The following GLIPR1L1 variants were observed in gnomAD, a reference collection of about 807,000 sequenced individuals.
The protein encoded by GLIPR1L1 is GLIPR1 like 1.
GLIPR1L1 carries 26 observed loss-of-function variants against 29.9 expected under a neutral mutation model. That is an observed-to-expected ratio of 0.87 (90% CI 0.64 to 1.21). GLIPR1L1 has a LOEUF of 1.21. Ranked by LOEUF, GLIPR1L1 falls within the 50% of genes most tolerant of loss-of-function variation. GLIPR1L1 has a pLI of 0.00. For missense variants in GLIPR1L1, 305 were observed against 290.3 expected (o/e 1.05, Z -0.37); for synonymous variants, 77 against 97.5 (o/e 0.79, Z 1.24).
rs970259313 is a variant in GLIPR1L1, at chr12:75,370,178, G to A, written c.*2G>A. 5.7e-6 allele frequency: 8 copies of A among 1,403,842 alleles called. No individual in the cohort carries two copies. The Admixed American group carries it at 6.7e-5, about 12-fold the overall frequency. The allele number at this position is 1,403,842 out of a possible 1,614,324, so 87.0% of individuals were successfully genotyped here. A position where few individuals can be genotyped will look rare whatever the true frequency, so the allele number is the denominator to read the frequency against. ...TTTCTTCTTCTGAGAATCTTTTAAT[G>A]TCATTTATATACAAAAGAAATTCTC... On this transcript the variant is annotated 3_prime_UTR_variant, in exon 6 of 6. Transcript: ENST00000378695.
chr12:75,349,680 T>C (rs372428077), intron 3 of GLIPR1L1, among the ~76,000 whole-genome samples: 15 of 152,124 alleles, frequency 9.9e-5, no homozygotes, highest in Admixed American at 7.2e-4. Flanking sequence ...TTAAAATTAA[T>C]GAAATATTAG....
In GLIPR1L1 at chr12:75,343,957, T is replaced by A. The variant is rs1049804966; in HGVS notation, c.420+19T>A. 2.0e-5 allele frequency: 31 copies of A among 1,573,280 alleles called. No homozygotes were observed. The highest frequency in any genetic ancestry group is 2.6e-5 in the Non-Finnish European group (30 of 1,151,200). Reference sequence around the variant, plus strand: ...TACACAGGTAAATATTTGACATCTTTATTGATTAGTTCTTATTTGTGCATA... The same window carrying A: ...TACACAGGTAAATATTTGACATCTTAATTGATTAGTTCTTATTTGTGCATA... On this transcript the variant is annotated intron_variant, in intron 2 of 5. Coordinates refer to ENST00000378695, the MANE Select transcript of GLIPR1L1 (RefSeq NM_001304964.2).
rs564301305 is a variant in GLIPR1L1, at chr12:75,370,023, T to C, written c.637+37T>C. The stretch of plus-strand genomic sequence containing the variant: ...AATATTTTAGTATTAATTAAATTAT[T>C]TCCTCCCGTTGAAAATCAATTGAAC... On this transcript the variant is annotated intron_variant, in intron 5 of 5. Coordinates refer to ENST00000378695, the MANE Select transcript of GLIPR1L1 (RefSeq NM_001304964.2). The C allele has an allele frequency of 9.8e-6, 12 of 1,228,800 alleles. 1 individual carries two copies. The East Asian group carries it at 1.9e-4, about 19-fold the overall frequency. 76.1% of individuals were successfully genotyped at this position (1,228,800 alleles called of 1,614,324 possible). A position where few individuals can be genotyped will look rare whatever the true frequency, so the allele number is the denominator to read the frequency against.
At chr12:75,351,730 A>G (rs1306739468) in intron 3 of GLIPR1L1, among the ~76,000 whole-genome samples, 1 of 152,054 alleles carries the variant, frequency 6.6e-6, no homozygotes, top group Non-Finnish European at 1.5e-5. Context: ...TATTTTTAGT[A>G]CAGACGGGGT....
At chr12:75,351,890 T>C (rs755462375) in intron 3 of GLIPR1L1, among the ~76,000 whole-genome samples, 52 of 152,196 alleles carry the variant, frequency 3.4e-4, no homozygotes, top group Non-Finnish European at 5.3e-4. Context: ...GTCTAGAATT[T>C]CATATCCAGC....
At chr12:75,368,247 T>A (rs938232768) in intron 4 of GLIPR1L1, among the ~76,000 whole-genome samples, 1 of 151,256 alleles carries the variant, frequency 6.6e-6, no homozygotes, top group South Asian at 2.1e-4. Flanking sequence ...TCTTTTTAAC[T>A]TTTTATTTAC....
intron 1 of GLIPR1L1, among the ~76,000 whole-genome samples, chr12:75,341,928 A>T (rs775120224): frequency 3.3e-5 from 5 of 151,756 alleles, no homozygotes; most frequent in Non-Finnish European, 7.4e-5. Context: ...TTGTATTTTT[A>T]GTAGCGATGG....
At chr12:75,346,955 T>A (rs548249469) in intron 2 of GLIPR1L1, among the ~76,000 whole-genome samples, 1 of 151,930 alleles carries the variant, frequency 6.6e-6, no homozygotes, top group Admixed American at 6.6e-5. Context: ...AATGAAAAAA[T>A]TTTATTCTAT....
chr12:75,370,187 A>G lies in GLIPR1L1; in HGVS notation c.*11A>G. On this transcript the variant is annotated 3_prime_UTR_variant, in exon 6 of 6. Transcript: ENST00000378695. ...CTGAGAATCTTTTAATGTCATTTAT[A>G]TACAAAAGAAATTCTCAAATGTTAA... 2 of 1,268,848 alleles carry G rather than the reference A, an allele frequency of 1.6e-6. No individual in the cohort carries two copies. The highest frequency in any genetic ancestry group is 2.3e-6 in the Non-Finnish European group (2 of 870,672). 78.6% of individuals were successfully genotyped at this position (1,268,848 alleles called of 1,614,324 possible).
chr12:75,347,601 T>C, intron 2 of GLIPR1L1, 21 bp from the exon 3 acceptor site: 4 of 1,505,700 alleles, frequency 2.7e-6, no homozygotes, highest in Non-Finnish European at 3.7e-6. Context: ...TATTTTATCT[T>C]GACATTCCTT....
chr12:75,350,662 A>T (rs1264392027), intron 3 of GLIPR1L1, among the ~76,000 whole-genome samples: 1 of 152,164 alleles, frequency 6.6e-6, no homozygotes, highest in African/African-American at 2.4e-5. Context: ...CAGCATCAAT[A>T]AAAAAAGACC....
Position 75,343,855 on chromosome 12 carries a change from G to C in GLIPR1L1, c.337G>C (p.Ala113Pro). 6.2e-7 allele frequency: 1 copy of C among 1,611,648 alleles called. No individual in the cohort carries two copies. The highest frequency in any genetic ancestry group is 1.7e-4 in the Middle Eastern group (1 of 6,042). The change falls in exon 2 of 6, where the codon GCC (alanine) becomes CCC (proline). Residue 113 changes from alanine (A) to proline (P), a missense_variant. Physicochemically the swap from Ala to Pro is conservative, Grantham distance 27. Coordinates refer to ENST00000378695, the MANE Select transcript of GLIPR1L1 (RefSeq NM_001304964.2). The stretch of plus-strand genomic sequence containing the variant: ...AATAAAGTCATTCACACCAAGACAT[G>C]CCATTACGGCTTGGTATAATGAAAC... ...GGIKSFTPRH[A>P]ITAWYNETQF...
At chr12:75,362,155 A>G (rs2043638216) in intron 3 of GLIPR1L1, among the ~76,000 whole-genome samples, 1 of 152,200 alleles carries the variant, frequency 6.6e-6, no homozygotes, top group South Asian at 2.1e-4. Flanking sequence ...ACCCTGGAAT[A>G]TAGGAAGAAC....
intron 4 of GLIPR1L1, among the ~76,000 whole-genome samples, chr12:75,366,560 C>T (rs2043975005): frequency 6.6e-6 from 1 of 152,082 alleles, no homozygotes; most frequent in Non-Finnish European, 1.5e-5. Context: ...TGCACAAACA[C>T]TTGCAAAGAG....
At position 75,370,258 on chromosome 12, in the gene GLIPR1L1, C is replaced by G; in HGVS notation, c.*82C>G. ...CTTAATATAACTTATCATCACTTTG[C>G]TTCTTTACTGAATCTTCTACACTCT... On this transcript the variant is annotated 3_prime_UTR_variant, in exon 6 of 6. Coordinates refer to ENST00000378695, the MANE Select transcript of GLIPR1L1 (RefSeq NM_001304964.2). 1.3e-6 allele frequency: 1 copy of G among 749,358 alleles called. No individual in the cohort carries two copies. The highest frequency in any genetic ancestry group is 2.2e-5 in the Admixed American group (1 of 45,796). The allele number at this position is 749,358 out of a possible 1,614,324, so 46.4% of individuals were successfully genotyped here. A position where few individuals can be genotyped will look rare whatever the true frequency, so the allele number is the denominator to read the frequency against.
Position 75,370,216 on chromosome 12 carries a change from A to G in GLIPR1L1, c.*40A>G, listed in dbSNP as rs1471389430. ...AAAAGAAATTCTCAAATGTTAAAAT[A>G]AAGGAATAGTTTATTGCTTAATATA... On this transcript the variant is annotated 3_prime_UTR_variant, in exon 6 of 6. Coordinates refer to ENST00000378695, the MANE Select transcript of GLIPR1L1 (RefSeq NM_001304964.2). 5 of 1,049,694 alleles carry G rather than the reference A, an allele frequency of 4.8e-6. No individual in the cohort carries two copies. Among genetic ancestry groups the G allele is most frequent in the Non-Finnish European group, 7.4e-6 (5 of 677,932 alleles). 65.0% of individuals were successfully genotyped at this position (1,049,694 alleles called of 1,614,324 possible).
At chr12:75,338,756 C>T (rs556251196) in intron 1 of GLIPR1L1, among the ~76,000 whole-genome samples, 17 of 152,194 alleles carry the variant, frequency 1.1e-4, no homozygotes, top group African/African-American at 3.9e-4. Flanking sequence ...CTCCTCCCAC[C>T]GCCTTCTGCC....
chr12:75,360,158 C>A (rs1280343075), intron 3 of GLIPR1L1: 1 of 152,268 alleles, frequency 6.6e-6, no homozygotes, highest in East Asian at 1.9e-4. Context: ...TCCCTCAACA[C>A]ATAAGAATTA....
At chr12:75,346,090 TG>T (rs1376724543) in intron 2 of GLIPR1L1, among the ~76,000 whole-genome samples, 3 of 152,194 alleles carry the variant, frequency 2.0e-5, no homozygotes, top group Admixed American at 2.0e-4. Context: ...GTTTCTTTAA[TG>T]AAAGCAATAC....
Sources: gnomAD v4.1 joint callset for allele counts (sites outside exome capture counted in the v4.1 genomes callset) on GRCh38, gnomAD v4.1.1 for gene constraint, MANE v1.5 for transcripts, NCBI Gene and HGNC (gene_info 2026-07-23, HGNC 2026-07-21) for gene names.